ZNF395: variants seen among roughly 807,000 people sequenced by gnomAD.
The protein encoded by ZNF395 is zinc finger protein 395.
In ZNF395, 20 loss-of-function variants were observed where a neutral mutation model predicts 57.7. The ratio of observed to expected loss-of-function variants is 0.35; its 90% CI spans 0.24 to 0.50. ZNF395 has a LOEUF of 0.50. Among genes scored for constraint, ZNF395 ranks in the 20% least tolerant of loss-of-function variants. The pLI, the probability that ZNF395 is intolerant of heterozygous loss-of-function variation, is 0.97. For synonymous variants in ZNF395, 295 were observed against 275.9 expected, an observed-to-expected ratio of 1.07 and a Z score of -0.69; for missense variants, 606 against 671.2, an observed-to-expected ratio of 0.90 and a Z score of 1.07.
chr8:28,356,587 T>C lies in ZNF395; in HGVS notation c.583+83A>G, dbSNP rs1801782122. On this transcript the variant is annotated intron_variant, in intron 4 of 9. Transcript: ENST00000344423. The surrounding 1 kb of genome is among the most constrained non-coding windows in gnomAD (Gnocchi z 4.0). ...ACATTCTATTGCCAGGCTGGTGACATAGGCAACTAGCTGCTCTGCACAGAG... is the reference window on the plus strand; with the variant it reads ...ACATTCTATTGCCAGGCTGGTGACACAGGCAACTAGCTGCTCTGCACAGAG... 5 of 997,164 alleles carry C rather than the reference T, an allele frequency of 5.0e-6. No homozygotes were observed. The highest frequency in any genetic ancestry group is 3.1e-5 in the South Asian group (2 of 63,650). The allele number at this position is 997,164 out of a possible 1,614,324, so 61.8% of individuals were successfully genotyped here.
rs370056449 is a variant in ZNF395 at position 28,350,167 on chromosome 8, C to T, written c.1234-11G>A. 8.1e-6 allele frequency: 13 copies of T among 1,596,300 alleles called. No homozygotes were observed. Among genetic ancestry groups the T allele is most frequent in the Admixed American group, 7.0e-5 (4 of 56,970 alleles). ...GAAGGATGGCAGAGCCTGCGGAAGA[C>T]GAGGGTGTCAGCCCGGATTCTAGCT... On this transcript the variant is annotated splice_polypyrimidine_tract_variant and intron_variant, in intron 7 of 9. Transcript: ENST00000344423.
At chr8:28,376,938 G>A (rs902309900) in intron 1 of ZNF395, among the ~76,000 whole-genome samples, 1 of 152,142 alleles carries the variant, frequency 6.6e-6, no homozygotes, top group Non-Finnish European at 1.5e-5. Flanking sequence ...TTTCTCAAAT[G>A]CCAAAATGCA....
In ZNF395 at chr8:28,348,236, G is replaced by C. The variant is rs1801631752; in HGVS notation, c.*483C>G. On this transcript the variant is annotated 3_prime_UTR_variant, in exon 10 of 10. Transcript: ENST00000344423. ...CCACGGCCAGGCAGTCCTGCACTCT[G>C]AGTCACCCATCAGCCAGAAACTCTT... 6.7e-6 allele frequency: 1 copy of C among 148,530 alleles called. No homozygotes were observed. Among genetic ancestry groups the C allele is most frequent in the Non-Finnish European group, 1.4e-5 (1 of 69,368 alleles). The allele number at this position is 148,530 out of a possible 1,614,324, so 9.2% of individuals were successfully genotyped here.
At chr8:28,351,423 G>A (rs1585850712) in intron 7 of ZNF395, 72 bp downstream of exon 7, 1 of 1,487,004 alleles carries the variant, frequency 6.7e-7, no homozygotes, top group East Asian at 2.3e-5. Flanking sequence ...AGGGTGGTCG[G>A]TAGCCTGTAA....
chr8:28,354,131 G>A (rs774648998), intron 4 of ZNF395, among the ~76,000 whole-genome samples: 9 of 152,184 alleles, frequency 5.9e-5, no homozygotes, highest in Non-Finnish European at 1.3e-4. Flanking sequence ...TCTGGTCATC[G>A]CAAGGTGGCA....
chr8:28,355,573 G>A (rs1801769449), intron 4 of ZNF395, among the ~76,000 whole-genome samples: 1 of 152,052 alleles, frequency 6.6e-6, no homozygotes, highest in Non-Finnish European at 1.5e-5. Context: ...GGGAACTGGA[G>A]TCAATAATTT....
chr8:28,349,596 C>A (rs1356819459), intron 8 of ZNF395, among the ~76,000 whole-genome samples: 2 of 152,196 alleles, frequency 1.3e-5, no homozygotes, highest in Non-Finnish European at 2.9e-5. Context: ...TCAAGACCAG[C>A]GCCTGCTAGG....
At chr8:28,380,318 T>C (rs1250588505) in intron 1 of ZNF395, among the ~76,000 whole-genome samples, 1 of 152,238 alleles carries the variant, frequency 6.6e-6, no homozygotes, top group African/African-American at 2.4e-5. Flanking sequence ...TTTAAATTCA[T>C]CCCTTACTGA....
Position 28,359,687 on chromosome 8 carries a change from C to T in ZNF395, c.378G>A (p.Glu126=). ...GTGCCTGGGGACAGGGGCCCTGCAG[C>T]TCTGCCAGCCACACCTCCTCCACCC... is the stretch of plus-strand genomic sequence containing the variant. ...CCRVEEVWLA[E]LQGPCPQAPP... Residue 126 remains glutamate, a synonymous_variant, in exon 3 of 10, where the codon GAG becomes GAA. Coordinates refer to ENST00000344423, the MANE Select transcript of ZNF395 (RefSeq NM_018660.3). The surrounding 1 kb of genome is among the most constrained non-coding windows in gnomAD (Gnocchi z 4.7). The T allele has an allele frequency of 6.2e-7, 1 of 1,614,054 alleles. No individual in the cohort carries two copies. The highest frequency in any genetic ancestry group is 8.5e-7 in the Non-Finnish European group (1 of 1,180,036).
At chr8:28,365,356 C>T (rs1000273344) in intron 1 of ZNF395, 13 of 152,244 alleles carry the variant, frequency 8.5e-5, no homozygotes, top group African/African-American at 2.9e-4. Context: ...CCACCTGGTG[C>T]ACTTCCACCA....
At chr8:28,348,853 A>T in intron 9 of ZNF395, 23 bp from the exon 10 acceptor site, 1 of 1,612,156 alleles carries the variant, frequency 6.2e-7, no homozygotes, top group East Asian at 2.2e-5. Flanking sequence ...AGGAATGCAA[A>T]TCGAGCCCCA....
rs1802072365 is a variant in ZNF395, at chr8:28,378,547, T to C, written c.-59+7846A>G. ...TGAGTCAATGCACCTCACCTGTTTT[T>C]TGTTTTGTTTTGTTCATCCTTTCTA... On this transcript the variant is annotated intron_variant, in intron 1 of 9. Transcript: ENST00000344423. 5.3e-5 allele frequency among the ~76,000 whole-genome samples: 8 copies of C among 152,230 alleles called. No homozygotes were observed. The South Asian group carries it at 1.7e-3, about 31-fold the overall frequency.
At chr8:28,351,291 A>G in intron 7 of ZNF395, 2 of 542,912 alleles carry the variant, frequency 3.7e-6, no homozygotes, top group Non-Finnish European at 6.3e-6. Context: ...GTAACCACTC[A>G]TGACAGCTGC....
intron 1 of ZNF395, among the ~76,000 whole-genome samples, chr8:28,368,719 G>C (rs1390085929): frequency 6.6e-6 from 1 of 151,500 alleles, no homozygotes; most frequent in African/African-American, 2.4e-5. Flanking sequence ...ACAGACGTGA[G>C]AGTTTTAAAA....
At chr8:28,376,932 T>C (rs1480457869) in intron 1 of ZNF395, among the ~76,000 whole-genome samples, 3 of 152,212 alleles carry the variant, frequency 2.0e-5, no homozygotes, top group African/African-American at 4.8e-5. Flanking sequence ...TACTGATTTC[T>C]CAAATGCCAA....
chr8:28,384,325 G>A (rs1585868451), intron 1 of ZNF395, among the ~76,000 whole-genome samples: 1 of 152,182 alleles, frequency 6.6e-6, no homozygotes, highest in East Asian at 1.9e-4. Context: ...TCCCTGGTAT[G>A]GCTAAGGACA....
At position 28,351,553 on chromosome 8, in the gene ZNF395, G is replaced by A. The variant is rs1801683474; in HGVS notation, c.1175C>T (p.Ala392Val). Reference protein sequence around the residue: ...PGPESSLPSGALSKSAPGSFW... With the variant: ...PGPESSLPSGVLSKSAPGSFW... ...GGACCCAGGAGCTGACTTGCTGAGAGCCCCTGAGGGCAGGGAGGACTCCGG... is the reference window on the plus strand; with the variant it reads ...GGACCCAGGAGCTGACTTGCTGAGAACCCCTGAGGGCAGGGAGGACTCCGG... Residue 392 changes from alanine (A) to valine (V), a missense_variant, in exon 7 of 10, where the codon GCT (alanine) becomes GTT (valine). By Grantham distance (64) the Ala-to-Val change is moderately conservative (BLOSUM62 0). Coordinates refer to ENST00000344423, the MANE Select transcript of ZNF395 (RefSeq NM_018660.3). The A allele has an allele frequency of 1.2e-6, 2 of 1,613,686 alleles. No homozygotes were observed. The highest frequency in any genetic ancestry group is 2.2e-5 in the East Asian group (1 of 44,856).
intron 1 of ZNF395, among the ~76,000 whole-genome samples, chr8:28,371,441 A>AGC (rs1801975393): frequency 6.6e-6 from 1 of 152,188 alleles, no homozygotes; most frequent in Non-Finnish European, 1.5e-5. Flanking sequence ...TCGGCCTTCT[A>AGC]AAGTGCTAGG....
intron 1 of ZNF395, among the ~76,000 whole-genome samples, chr8:28,365,944 G>A (rs1801904895): frequency 6.6e-6 from 1 of 152,160 alleles, no homozygotes; most frequent in Non-Finnish European, 1.5e-5. Flanking sequence ...AGCACACGTA[G>A]GCACGCCCCC....
Sources: allele counts gnomAD v4.1 joint callset (sites outside exome capture counted in the v4.1 genomes callset), GRCh38; gene constraint gnomAD v4.1.1; non-coding constraint Gnocchi (gnomAD v3.1); transcripts MANE v1.5; gene names NCBI Gene and HGNC (gene_info 2026-07-23, HGNC 2026-07-21).